Variants in THOC5 observed in about 807,000 individuals in gnomAD.
THOC5 encodes THO complex subunit 5.
A neutral mutation model predicts 92.9 loss-of-function variants in THOC5; 43 were observed. The ratio of observed to expected loss-of-function variants is 0.46; its 90% CI spans 0.36 to 0.60. The LOEUF is 0.60. THOC5 is among the 20% of genes least tolerant of loss of function. The pLI is 0.00. For synonymous variants in THOC5, 296 were observed against 320.1 expected (o/e 0.92, Z 0.80); for missense variants, 659 against 849.4 (o/e 0.78, Z 2.79).
chr22:29,531,853 G>A lies in THOC5; in HGVS notation c.825C>T (p.Ala275=). The A allele has an allele frequency of 6.2e-7, 1 of 1,614,166 alleles. No homozygotes were observed. The highest frequency in any genetic ancestry group is 2.2e-5 in the East Asian group (1 of 44,886). Reference sequence around the variant, plus strand: ...CACCACAGGCCTGCCCATACGCAGTGGCCTGAACAAAGAGGACATAGAGGG... The same window carrying A: ...CACCACAGGCCTGCCCATACGCAGTAGCCTGAACAAAGAGGACATAGAGGG... The part of the protein sequence containing the change: ...PPPLYVLFVQ[A]TAYGQACDKT... Residue 275 remains alanine, a synonymous_variant, in exon 8 of 20, where the codon GCC becomes GCT. Transcript: ENST00000490103.
At chr22:29,545,066 C>A in intron 2 of THOC5, 1 of 436,848 alleles carries the variant, frequency 2.3e-6, no homozygotes, top group Non-Finnish European at 4.5e-6. Flanking sequence ...CTTACAGTCC[C>A]ACATAGCTGG....
chr22:29,544,907 G>A (rs1324347074), intron 2 of THOC5, among the ~76,000 whole-genome samples: 1 of 152,194 alleles, frequency 6.6e-6, no homozygotes, highest in East Asian at 1.9e-4. Context: ...ACTGAGTGAA[G>A]ATTGTGGATA....
At chr22:29,531,016 C>A in intron 8 of THOC5, 1 of 1,018,506 alleles carries the variant, frequency 9.8e-7, no homozygotes, top group Non-Finnish European at 1.2e-6. Flanking sequence ...TATTAGCATT[C>A]TACAAGAACA....
intron 2 of THOC5, among the ~76,000 whole-genome samples, chr22:29,548,358 C>T (rs926699256): frequency 2.6e-5 from 4 of 152,050 alleles, no homozygotes; most frequent in Non-Finnish European, 5.9e-5. Context: ...GAGTTTGAGA[C>T]CAACCTGGGT....
chr22:29,540,085 G>C (rs2063848365), intron 5 of THOC5, among the ~76,000 whole-genome samples: 1 of 152,196 alleles, frequency 6.6e-6, no homozygotes, highest in African/African-American at 2.4e-5. Context: ...TTCGAGACCA[G>C]CCTGATCAAC....
At chr22:29,521,965 G>C (rs1301103257) in intron 12 of THOC5, among the ~76,000 whole-genome samples, 2 of 152,096 alleles carry the variant, frequency 1.3e-5, no homozygotes, top group African/African-American at 4.8e-5. Flanking sequence ...GAGGCTTCCA[G>C]CTCTTCCCTA....
chr22:29,518,949 T>C, intron 15 of THOC5, 57 bp downstream of exon 15: 2 of 1,086,854 alleles, frequency 1.8e-6, no homozygotes, highest in East Asian at 5.2e-5. Context: ...GGCTAAGTTG[T>C]TGTTGTCCGT....
intron 19 of THOC5, 50 bp from the exon 20 acceptor site, chr22:29,508,570 T>A (rs1231250834): frequency 6.7e-7 from 1 of 1,490,450 alleles, no homozygotes; most frequent in South Asian, 1.1e-5. Context: ...TCTAGGCTGA[T>A]AAAATAAATT....
Position 29,528,182 on chromosome 22 carries a change from A to G in THOC5, c.967-5T>C, listed in dbSNP as rs1480330363. ...CAGTGTGGGTCTCCGGCGCTTCTGG[A>G]CAAAGGAAAGTGCCAAGCTGATGAG... is the stretch of plus-strand genomic sequence containing the variant. On this transcript the variant is annotated splice_polypyrimidine_tract_variant and splice_region_variant and intron_variant, in intron 10 of 19. Transcript: ENST00000490103. 2.5e-6 allele frequency: 4 copies of G among 1,613,986 alleles called. No homozygotes were observed. In the Admixed American group the frequency reaches 6.7e-5, roughly 27 times the overall value.
chr22:29,516,686 A>G (rs10427579), intron 17 of THOC5, among the ~76,000 whole-genome samples: 2,065 of 152,298 alleles, frequency 0.014, 53 homozygotes, highest in African/African-American at 0.048. Flanking sequence ...CCTGTTATGA[A>G]GAGGGAGAAG....
intron 7 of THOC5, among the ~76,000 whole-genome samples, chr22:29,533,855 C>A (rs987842029): frequency 4.6e-5 from 7 of 152,188 alleles, no homozygotes; most frequent in African/African-American, 1.7e-4. Context: ...GGATGTAAAA[C>A]AATTAGAACT....
rs144575490 is a variant in THOC5 at position 29,536,937 on chromosome 22, C to T, written c.600-199G>A. ...TAATACTTATAAAGACCCTGGAAGA[C>T]AGGGACTTTGCTTATCCCCAAAGGA... On this transcript the variant is annotated intron_variant, in intron 6 of 19. Transcript: ENST00000490103. Among the ~76,000 whole-genome samples, 446 of 152,334 alleles carry T rather than the reference C, an allele frequency of 2.9e-3. 2 individuals carry two copies. The highest frequency in any genetic ancestry group is 4.6e-3 in the Non-Finnish European group (312 of 68,032).
At chr22:29,551,943 G>C (rs574851631) in intron 1 of THOC5, among the ~76,000 whole-genome samples, 1 of 152,014 alleles carries the variant, frequency 6.6e-6, no homozygotes, top group East Asian at 1.9e-4. Context: ...GCGCCGCCAC[G>C]CCTGACTGGT....
At chr22:29,531,097 G>A in intron 8 of THOC5, 2 of 1,186,054 alleles carry the variant, frequency 1.7e-6, no homozygotes, top group Non-Finnish European at 2.2e-6. Context: ...GGGGCTGGGA[G>A]GATTTCATAT....
intron 12 of THOC5, among the ~76,000 whole-genome samples, chr22:29,522,035 G>A (rs969630910): frequency 9.2e-5 from 14 of 152,048 alleles, no homozygotes; most frequent in African/African-American, 3.1e-4. Flanking sequence ...CACCTCAAAT[G>A]GAGAACTGAC....
At chr22:29,541,168 G>C (rs1303208321) in intron 5 of THOC5, among the ~76,000 whole-genome samples, 1 of 151,454 alleles carries the variant, frequency 6.6e-6, no homozygotes, top group Non-Finnish European at 1.5e-5. Flanking sequence ...CTGGGCAACA[G>C]AGCGAGACTT....
rs779580594 is a variant in THOC5, at chr22:29,525,964, G to T, written c.1067-18C>A. On this transcript the variant is annotated intron_variant, in intron 11 of 19. Transcript: ENST00000490103. Reference sequence around the variant, plus strand: ...ACTGTCATCTGGAGGGGAGGAAGATGAGAGAATTTATGAGTCAAAACACTC... The same window carrying T: ...ACTGTCATCTGGAGGGGAGGAAGATTAGAGAATTTATGAGTCAAAACACTC... The T allele has an allele frequency of 1.2e-5, 19 of 1,573,348 alleles. No homozygotes were observed. Among genetic ancestry groups the T allele is most frequent in the Non-Finnish European group, 1.6e-5 (18 of 1,149,548 alleles).
At chr22:29,519,692 G>C (rs2063402111) in intron 14 of THOC5, among the ~76,000 whole-genome samples, 1 of 151,532 alleles carries the variant, frequency 6.6e-6, no homozygotes, top group Non-Finnish European at 1.5e-5. Flanking sequence ...GAGTGCAGTG[G>C]CATGATCTCA....
intron 11 of THOC5, among the ~76,000 whole-genome samples, chr22:29,526,303 T>G (rs925896083): frequency 6.6e-6 from 1 of 151,914 alleles, no homozygotes; most frequent in Non-Finnish European, 1.5e-5. Context: ...GAGGCCAAGG[T>G]GGGCAGATCA....
Sources: gnomAD v4.1 joint callset for allele counts (sites outside exome capture counted in the v4.1 genomes callset) on GRCh38, gnomAD v4.1.1 for gene constraint, MANE v1.5 for transcripts, NCBI Gene and HGNC (gene_info 2026-07-23, HGNC 2026-07-21) for gene names.